ST3GAL1: variants seen among roughly 807,000 people sequenced by gnomAD.
ST3GAL1 encodes ST3 beta-galactoside alpha-2,3-sialyltransferase 1.
Under a neutral mutation model 34.1 loss-of-function variants are expected in ST3GAL1, and 16 were observed. The observed-to-expected ratio is 0.47, with a 90% CI of 0.32 to 0.71. The LOEUF (loss-of-function observed/expected upper bound fraction) is 0.71, where lower values mean the gene tolerates loss of function less well. ST3GAL1 is among the 30% of genes least tolerant of loss of function. The pLI, the probability that ST3GAL1 is intolerant of heterozygous loss-of-function variation, is 0.04. For synonymous variants in ST3GAL1, 191 were observed against 184.7 expected (o/e 1.03, Z -0.28); for missense variants, 353 against 447.4 (o/e 0.79, Z 1.90).
At chr8:133,476,767 C>A (rs924931425) in intron 3 of ST3GAL1, among the ~76,000 whole-genome samples, 167 bp from the exon 4 acceptor site, 1 of 152,110 alleles carries the variant, frequency 6.6e-6, no homozygotes, top group East Asian at 1.9e-4. Flanking sequence ...AGCCTGAGTG[C>A]GTGCATACAA....
intron 5 of ST3GAL1, among the ~76,000 whole-genome samples, chr8:133,468,815 T>C (rs1236331162): frequency 1.3e-5 from 2 of 152,154 alleles, no homozygotes; most frequent in Non-Finnish European, 2.9e-5. Flanking sequence ...AACAGACTCC[T>C]GGGTGATGCT....
chr8:133,498,763 C>T (rs569404487), intron 3 of ST3GAL1, among the ~76,000 whole-genome samples: 1 of 152,322 alleles, frequency 6.6e-6, no homozygotes, highest in Admixed American at 6.5e-5. Context: ...GCACCTGGGC[C>T]CTGCTGTGGG....
At chr8:133,478,962 A>G (rs536046528) in intron 3 of ST3GAL1, among the ~76,000 whole-genome samples, 22 of 152,360 alleles carry the variant, frequency 1.4e-4, no homozygotes, top group African/African-American at 5.3e-4. Flanking sequence ...GTCCAGAGGG[A>G]GAACTGAGAA....
chr8:133,468,306 G>A lies in ST3GAL1; in HGVS notation c.307-2216C>T, dbSNP rs191679212. On this transcript the variant is annotated intron_variant, in intron 5 of 9. Coordinates refer to ENST00000522652, the MANE Select transcript of ST3GAL1 (RefSeq NM_173344.3). Reference sequence around the variant, plus strand: ...CTATAAAAAGAAAATTTTGAAATAGGTTACAACATGGATGGACCTTGAAAA... The same window carrying A: ...CTATAAAAAGAAAATTTTGAAATAGATTACAACATGGATGGACCTTGAAAA... Among the ~76,000 whole-genome samples, 7 of 152,252 alleles carry A rather than the reference G, an allele frequency of 4.6e-5. No homozygotes were observed. In the East Asian group the frequency reaches 1.2e-3, roughly 25 times the overall value.
chr8:133,501,224 G>A lies in ST3GAL1; in HGVS notation c.-428-2035C>T, dbSNP rs891073255. Among the ~76,000 whole-genome samples the A allele has an allele frequency of 4.6e-5, 7 of 152,136 alleles. 1 individual carries two copies. The South Asian group carries it at 6.2e-4, about 14-fold the overall frequency. On this transcript the variant is annotated intron_variant, in intron 2 of 9. Coordinates refer to ENST00000522652, the MANE Select transcript of ST3GAL1 (RefSeq NM_173344.3). ...CAAGAGTTCACCCCAAGCCTAGGTC[G>A]TTCTGTGTCTGTGGGTGGCTACTCA...
intron 2 of ST3GAL1, among the ~76,000 whole-genome samples, chr8:133,542,779 CAAAAAAAAAA>C (rs35321251): frequency 2.3e-4 from 20 of 85,510 alleles, no homozygotes; most frequent in African/African-American, 9.1e-4. Flanking sequence ...TCCTCCATCT[CAAAAAAAAAA>C]AAAAAAAAAA....
rs114256683 is a variant in ST3GAL1, at chr8:133,555,354, G to A, written c.-581-9428C>T. On this transcript the variant is annotated intron_variant, in intron 1 of 9. Coordinates refer to ENST00000522652, the MANE Select transcript of ST3GAL1 (RefSeq NM_173344.3). ...CCCAGTCCTCTCAGCCACCAGGCTC[G>A]TAATCTCCAAGTCACTTTCCATGTG... 4.5e-3 allele frequency among the ~76,000 whole-genome samples: 682 copies of A among 152,218 alleles called. 2 individuals carry two copies. Among genetic ancestry groups the A allele is most frequent in the African/African-American group, 0.015 (624 of 41,532 alleles).
intron 3 of ST3GAL1, among the ~76,000 whole-genome samples, chr8:133,497,193 CTG>C (rs1236175925): frequency 6.6e-6 from 1 of 152,240 alleles, no homozygotes; most frequent in Non-Finnish European, 1.5e-5. Context: ...GTTGCCAAAA[CTG>C]TTTCTTCTGC....
intron 3 of ST3GAL1, among the ~76,000 whole-genome samples, chr8:133,487,454 T>C (rs1204239469): frequency 1.3e-5 from 2 of 151,886 alleles, no homozygotes; most frequent in Non-Finnish European, 2.9e-5. Context: ...GCTAGTGGGG[T>C]TGAAAATGAA....
chr8:133,523,549 C>T (rs1290417048), intron 2 of ST3GAL1, among the ~76,000 whole-genome samples: 7 of 152,214 alleles, frequency 4.6e-5, no homozygotes, highest in Non-Finnish European at 7.3e-5. Context: ...GGAGTTCCTG[C>T]AGAGCATTTA....
chr8:133,480,498 A>G (rs75928529), intron 3 of ST3GAL1, among the ~76,000 whole-genome samples: 2,569 of 152,234 alleles, frequency 0.017, 61 homozygotes, highest in African/African-American at 0.058. Flanking sequence ...CCCTGGCACT[A>G]TGGTCACTAG....
chr8:133,475,643 C>A, intron 5 of ST3GAL1, 76 bp downstream of exon 5: 1 of 1,438,248 alleles, frequency 7.0e-7, no homozygotes. Flanking sequence ...TCCAGATCCC[C>A]ACTCTCAGCC....
chr8:133,519,071 C>CAGGGT (rs1284506409), intron 2 of ST3GAL1, among the ~76,000 whole-genome samples: 1 of 151,980 alleles, frequency 6.6e-6, no homozygotes, highest in Non-Finnish European at 1.5e-5. Flanking sequence ...ACATGGAGGT[C>CAGGGT]AGGGTAGGGT....
At chr8:133,559,952 G>A (rs920747448) in intron 1 of ST3GAL1, among the ~76,000 whole-genome samples, 1 of 152,198 alleles carries the variant, frequency 6.6e-6, no homozygotes, top group African/African-American at 2.4e-5. Flanking sequence ...AAGCCACAAA[G>A]ATGAGTTCTT....
At chr8:133,521,430 C>T (rs889753503) in intron 2 of ST3GAL1, among the ~76,000 whole-genome samples, 1 of 152,210 alleles carries the variant, frequency 6.6e-6, no homozygotes, top group East Asian at 1.9e-4. Flanking sequence ...TCCTGAGTAG[C>T]TGGGATTACA....
intron 2 of ST3GAL1, among the ~76,000 whole-genome samples, chr8:133,536,641 A>G (rs991636335): frequency 1.3e-5 from 2 of 152,096 alleles, no homozygotes; most frequent in African/African-American, 4.8e-5. Flanking sequence ...CAGCTCACTC[A>G]TGTCCTGCCA....
At chr8:133,481,185 C>T (rs1053309190) in intron 3 of ST3GAL1, among the ~76,000 whole-genome samples, 1 of 152,192 alleles carries the variant, frequency 6.6e-6, no homozygotes, top group African/African-American at 2.4e-5. Flanking sequence ...TGCAGAGGCT[C>T]TGGATGAGGC....
intron 3 of ST3GAL1, among the ~76,000 whole-genome samples, chr8:133,489,117 G>A (rs976541729): frequency 6.6e-6 from 1 of 152,246 alleles, no homozygotes; most frequent in African/African-American, 2.4e-5. Flanking sequence ...CAGCCCTAGG[G>A]TTGGAAACAG....
At chr8:133,562,621 C>T (rs1034695527) in intron 1 of ST3GAL1, among the ~76,000 whole-genome samples, 1 of 152,088 alleles carries the variant, frequency 6.6e-6, no homozygotes, top group Non-Finnish European at 1.5e-5. Context: ...TGGGTTGTTC[C>T]GGGTGTTTGA....
Sources: allele counts gnomAD v4.1 joint callset (sites outside exome capture counted in the v4.1 genomes callset), GRCh38; gene constraint gnomAD v4.1.1; transcripts MANE v1.5; gene names NCBI Gene and HGNC (gene_info 2026-07-23, HGNC 2026-07-21).